The following TFG variants were observed in gnomAD, a reference collection of about 807,000 sequenced individuals.
TFG encodes the protein protein TFG.
Under a neutral mutation model 51.4 loss-of-function variants are expected in TFG, and 22 were observed. The ratio of observed to expected loss-of-function variants is 0.43; its 90% CI spans 0.31 to 0.61. The LOEUF is 0.61. Ranked by LOEUF, TFG falls within the 20% of genes least tolerant of loss-of-function variation. The probability of loss-of-function intolerance (pLI) is 0.12; values close to 1 mark genes in which losing one functional copy is unlikely to be tolerated. For missense variants in TFG, 419 were observed against 487.7 expected (o/e 0.86, Z 1.33); for synonymous variants, 187 against 165.6 (o/e 1.13, Z -0.99).
At chr3:100,719,729 T>C (rs1337563890) in intron 2 of TFG, among the ~76,000 whole-genome samples, 1 of 152,240 alleles carries the variant, frequency 6.6e-6, no homozygotes, top group Non-Finnish European at 1.5e-5. Context: ...GGATTCACTT[T>C]AGCTGTATTT....
At chr3:100,726,027 A>G (rs2095074805) in intron 3 of TFG, among the ~76,000 whole-genome samples, 2 of 152,202 alleles carry the variant, frequency 1.3e-5, no homozygotes. Context: ...GGCCATCTGC[A>G]AGCTGGGGAA....
At chr3:100,717,529 A>G (rs1251642345) in intron 2 of TFG, among the ~76,000 whole-genome samples, 1 of 150,574 alleles carries the variant, frequency 6.6e-6, no homozygotes, top group African/African-American at 2.4e-5. Context: ...GTTCTTATAT[A>G]AGCATGGGAT....
At chr3:100,735,067 A>AAT (rs1431805806) in intron 5 of TFG, among the ~76,000 whole-genome samples, 1 of 152,298 alleles carries the variant, frequency 6.6e-6, no homozygotes, top group African/African-American at 2.4e-5. Flanking sequence ...CAAAGTAATA[A>AAT]ATATATATAT....
chr3:100,726,871 A>G (rs1451203576), intron 3 of TFG, among the ~76,000 whole-genome samples: 1 of 152,192 alleles, frequency 6.6e-6, no homozygotes, highest in Non-Finnish European at 1.5e-5. Context: ...AGTAGAGATG[A>G]TTCTATGTTT....
chr3:100,738,084 C>T (rs1175127007), intron 6 of TFG, among the ~76,000 whole-genome samples: 1 of 25,168 alleles, frequency 4.0e-5, no homozygotes, highest in Non-Finnish European at 3.8e-4. Context: ...ACAAACAAAG[C>T]CAAAAAAAAA....
intron 3 of TFG, among the ~76,000 whole-genome samples, chr3:100,728,501 G>A (rs1318284232): frequency 1.3e-5 from 2 of 151,498 alleles, no homozygotes; most frequent in African/African-American, 2.4e-5. Context: ...TATAGGTATG[G>A]CATCAAGAAA....
intron 2 of TFG, among the ~76,000 whole-genome samples, chr3:100,716,168 T>A (rs1426570479): frequency 6.6e-6 from 1 of 152,188 alleles, no homozygotes; most frequent in Admixed American, 6.5e-5. Flanking sequence ...ACTACTTCTA[T>A]CTAGTTGTAC....
At chr3:100,742,671 C>T (rs984520740) in intron 6 of TFG, 3 of 152,124 alleles carry the variant, frequency 2.0e-5, no homozygotes, top group Admixed American at 2.0e-4. Context: ...CCCACACAGA[C>T]TTGGGGAGAA....
intron 3 of TFG, 113 bp downstream of exon 3, chr3:100,720,171 A>G: frequency 1.7e-6 from 1 of 605,218 alleles, no homozygotes; most frequent in South Asian, 2.7e-5. Context: ...AAATATTATT[A>G]CATTTATTTG....
Position 100,744,882 on chromosome 3 carries a change from G to A in TFG, c.771G>A (p.Gln257=), listed in dbSNP as rs374006808. The change falls in exon 7 of 8, where the codon CAG becomes CAA. Residue 257 remains glutamine (Q), a synonymous_variant. Transcript: ENST00000240851. ...YQQQAGYGAQ[Q]PQAPPQQPQQ... ...AACAGGCCGGCTATGGTGCACAGCA[G>A]CCGCAGGCTCCACCTCAGCAGCCTC... 53 of 1,613,530 alleles carry A rather than the reference G, an allele frequency of 3.3e-5. No individual in the cohort carries two copies. Among genetic ancestry groups the A allele is most frequent in the Non-Finnish European group, 4.3e-5 (51 of 1,179,698 alleles).
chr3:100,720,705 G>A (rs2095058317), intron 3 of TFG, among the ~76,000 whole-genome samples: 1 of 152,214 alleles, frequency 6.6e-6, no homozygotes, highest in Non-Finnish European at 1.5e-5. Flanking sequence ...CCTTGCTTTA[G>A]ACAGTATTTC....
At chr3:100,720,915 G>A (rs200304217) in intron 3 of TFG, among the ~76,000 whole-genome samples, 2 of 151,908 alleles carry the variant, frequency 1.3e-5, no homozygotes, top group Non-Finnish European at 2.9e-5. Flanking sequence ...CGGCTGTTTT[G>A]TTGTTTTGTT....
chr3:100,724,966 C>G (rs1002468913), intron 3 of TFG, among the ~76,000 whole-genome samples: 1 of 152,172 alleles, frequency 6.6e-6, no homozygotes, highest in Non-Finnish European at 1.5e-5. Flanking sequence ...GGCAGTGGTG[C>G]GATCTCAGCT....
At chr3:100,718,717 T>C (rs1317743114) in intron 2 of TFG, among the ~76,000 whole-genome samples, 1 of 151,806 alleles carries the variant, frequency 6.6e-6, no homozygotes, top group Non-Finnish European at 1.5e-5. Flanking sequence ...ACCACCACAC[T>C]CGGCTGATTT....
chr3:100,723,021 C>T lies in TFG; in HGVS notation c.268+2963C>T, dbSNP rs2095065065. The stretch of plus-strand genomic sequence containing the variant: ...CAGAAAAAGTCAAGGAAGCTTAACT[C>T]TTAAACCTTGGGCTGTCAGGGGATT... On this transcript the variant is annotated intron_variant, in intron 3 of 7. Coordinates refer to ENST00000240851, the MANE Select transcript of TFG (RefSeq NM_006070.6). Among the ~76,000 whole-genome samples the T allele has an allele frequency of 2.0e-5, 3 of 152,170 alleles. No individual in the cohort carries two copies. In the South Asian group the frequency reaches 6.2e-4, roughly 32 times the overall value.
At chr3:100,724,075 A>G (rs1144105) in intron 3 of TFG, among the ~76,000 whole-genome samples, 35,432 of 152,084 alleles carry the variant, frequency 0.23, 5,214 homozygotes, top group Non-Finnish European at 0.34. Context: ...AATGACTTCT[A>G]TGTAACCAAG....
At chr3:100,713,568 A>T in intron 1 of TFG, 75 bp from the exon 2 acceptor site, 1 of 590,228 alleles carries the variant, frequency 1.7e-6, no homozygotes, top group Non-Finnish European at 2.7e-6. Flanking sequence ...AGAGTTTCTT[A>T]GCATCTAATA....
intron 3 of TFG, among the ~76,000 whole-genome samples, chr3:100,724,568 C>T (rs1197185567): frequency 6.6e-6 from 1 of 152,072 alleles, no homozygotes. Context: ...ACAAACTATT[C>T]AAGAGCATAG....
intron 2 of TFG, among the ~76,000 whole-genome samples, chr3:100,715,316 G>A (rs2095042654): frequency 6.6e-6 from 1 of 152,220 alleles, no homozygotes; most frequent in Non-Finnish European, 1.5e-5. Context: ...AAGCAGATGA[G>A]TGAAGACAGA....
Sources: allele counts gnomAD v4.1 joint callset (sites outside exome capture counted in the v4.1 genomes callset), GRCh38; gene constraint gnomAD v4.1.1; transcripts MANE v1.5; gene names NCBI Gene and HGNC (gene_info 2026-07-23, HGNC 2026-07-21).